CPSF1: variants seen among roughly 807,000 people sequenced by gnomAD.
CPSF1 encodes cleavage and polyadenylation specific factor 1.
Under a neutral mutation model 175.8 loss-of-function variants are expected in CPSF1, and 106 were observed. The ratio of observed to expected loss-of-function variants is 0.60; its 90% CI spans 0.52 to 0.71. The LOEUF (loss-of-function observed/expected upper bound fraction) is 0.71, where lower values mean the gene tolerates loss of function less well. CPSF1 is among the 30% of genes least tolerant of loss of function. The pLI, the probability that CPSF1 is intolerant of heterozygous loss-of-function variation, is 0.00. For missense variants in CPSF1, 1,734 were observed against 2,022.9 expected, an observed-to-expected ratio of 0.86 and a Z score of 2.74; for synonymous variants, 1,024 against 858.3, an observed-to-expected ratio of 1.19 and a Z score of -3.37.
intron 2 of CPSF1, among the ~76,000 whole-genome samples, chr8:144,403,098 ATT>A (rs1231766653): frequency 0.98 from 141,169 of 143,760 alleles, 69,318 homozygotes; most frequent in Middle Eastern, 1. Flanking sequence ...TAGGAGGAAA[ATT>A]TTTTTTTTTT....
In CPSF1 at chr8:144,393,375, ATGGAAGGGTGGG is replaced by A. The variant is rs1554861947; in HGVS notation, c.4285-22_4285-11del. 2.6e-5 allele frequency: 18 copies of A among 702,016 alleles called. No individual in the cohort carries two copies. Among genetic ancestry groups the A allele is most frequent in the Non-Finnish European group, 3.5e-5 (18 of 511,418 alleles). 43.5% of individuals were successfully genotyped at this position (702,016 alleles called of 1,614,324 possible). ...GCAAGTCGTCCAGGATCTGCAGGGG[ATGGAAGGGTGGG>A]TGGGTGGGTGGGTGGGGATGCACAC... On this transcript the variant is annotated splice_polypyrimidine_tract_variant and intron_variant, in intron 37 of 37. Transcript: ENST00000616140.
rs782373475 is a variant in CPSF1, at chr8:144,400,134, G to GCCCCCCCCCCCCCCCCC, written c.937+31_937+32insGGGGGGGGGGGGGGGGG. 6.4e-5 allele frequency: 62 copies of GCCCCCCCCCCCCCCCCC among 966,488 alleles called. 1 individual carries two copies. Among genetic ancestry groups the GCCCCCCCCCCCCCCCCC allele is most frequent in the Admixed American group, 1.4e-4 (5 of 34,868 alleles). 59.9% of individuals were successfully genotyped at this position (966,488 alleles called of 1,614,324 possible). On this transcript the variant is annotated intron_variant, in intron 9 of 37. Transcript: ENST00000616140. Reference sequence around the variant, plus strand: ...ACTAGGCAGGCCCAAGCCGTCCCCGGGCCCCCCCCGCCCCAGCCACCCCAC... The same window carrying GCCCCCCCCCCCCCCCCC: ...ACTAGGCAGGCCCAAGCCGTCCCCGGCCCCCCCCCCCCCCCCCGCCCCCCCCGCCCCAGCCACCCCAC...
intron 23 of CPSF1, 124 bp downstream of exon 23, chr8:144,397,083 A>G: frequency 2.3e-6 from 2 of 879,264 alleles, no homozygotes; most frequent in South Asian, 3.5e-5. Context: ...GATGGGGTGG[A>G]GCCACGGGAA....
chr8:144,397,936 G>T lies in CPSF1; in HGVS notation c.2073+18C>A, dbSNP rs782302563. The T allele has an allele frequency of 1.3e-6, 2 of 1,599,654 alleles. No homozygotes were observed. Among genetic ancestry groups the T allele is most frequent in the East Asian group, 2.2e-5 (1 of 44,560 alleles). ...CAAGGGGCAGGGACAGGAGGGCGCC[G>T]GGAATGAGGGGGCCTACATGGTGCA... is the stretch of plus-strand genomic sequence containing the variant. On this transcript the variant is annotated intron_variant, in intron 20 of 37. Coordinates refer to ENST00000616140, the MANE Select transcript of CPSF1 (RefSeq NM_013291.3).
chr8:144,397,921 G>T (rs1449772285), intron 20 of CPSF1, 33 bp downstream of exon 20: 3 of 1,599,882 alleles, frequency 1.9e-6, no homozygotes, highest in African/African-American at 1.3e-5. Flanking sequence ...CAAGGGGCAG[G>T]GACAGGAGGG....
intron 26 of CPSF1, 159 bp from the exon 27 acceptor site, chr8:144,395,710 C>T: frequency 1.6e-6 from 1 of 635,002 alleles, no homozygotes. Flanking sequence ...GAAGGGGCTG[C>T]CACTCAGCCT....
chr8:144,408,610 C>G (rs2116911340), intron 2 of CPSF1, among the ~76,000 whole-genome samples: 9 of 152,360 alleles, frequency 5.9e-5, no homozygotes, highest in African/African-American at 2.2e-4. Context: ...CCTTCCTTCA[C>G]TCCTTTATTC....
Position 144,401,465 on chromosome 8 carries a change from G to A in CPSF1, c.271C>T (p.Arg91Trp). The A allele has an allele frequency of 3.7e-6, 6 of 1,614,036 alleles. No individual in the cohort carries two copies. Among genetic ancestry groups the A allele is most frequent in the East Asian group, 4.5e-5 (2 of 44,872 alleles). The change falls in exon 4 of 38, where the codon CGG (arginine) becomes TGG (tryptophan). Residue 91 changes from arginine (R) to tryptophan (W), a missense_variant. Arg to Trp is a moderately radical substitution (Grantham distance 101, BLOSUM62 -3). Transcript: ENST00000616140. ...MASVQLAGAK[R>W]DALLLSFKDA... ...TTGAAGCTTAGGAGCAGGGCATCCC[G>A]CTTGGCTCCTGCCAGCTGCACGCTG...
At position 144,400,830 on chromosome 8, in the gene CPSF1, G is replaced by C. The variant is rs1403113518; in HGVS notation, c.540-13C>G. ...GCTGGACCTCTGCCTGGGGGGCCAG[G>C]GGCTTCAGCAGGAGAGGAGGGGAGG... On this transcript the variant is annotated splice_polypyrimidine_tract_variant and intron_variant, in intron 6 of 37. Coordinates refer to ENST00000616140, the MANE Select transcript of CPSF1 (RefSeq NM_013291.3). 1.9e-6 allele frequency: 3 copies of C among 1,613,080 alleles called. No individual in the cohort carries two copies. In the Admixed American group the frequency reaches 5.0e-5, roughly 27 times the overall value.
In CPSF1 at chr8:144,398,591, G is replaced by A; in HGVS notation, c.1686C>T (p.Thr562=). The change falls in exon 18 of 38, where the codon ACC becomes ACT. Residue 562 remains threonine, a synonymous_variant. Coordinates refer to ENST00000616140, the MANE Select transcript of CPSF1 (RefSeq NM_013291.3). ...TGCGGCCGTCGTCGTCTGCTTCAGGGGTGGTGCTGGGTTCCTGCTCTGTGC... is the reference window on the plus strand; with the variant it reads ...TGCGGCCGTCGTCGTCTGCTTCAGGAGTGGTGCTGGGTTCCTGCTCTGTGC... The part of the protein sequence containing the change: ...GEGTEQEPST[T]PEADDDGRRH... 4 of 1,613,922 alleles carry A rather than the reference G, an allele frequency of 2.5e-6. No individual in the cohort carries two copies. Among genetic ancestry groups the A allele is most frequent in the Non-Finnish European group, 2.5e-6 (3 of 1,179,974 alleles).
rs781914193 is a variant in CPSF1, at chr8:144,393,846, G to GC, written c.4015+36dup. 41 of 1,600,632 alleles carry GC rather than the reference G, an allele frequency of 2.6e-5. 1 individual carries two copies. Among genetic ancestry groups the GC allele is most frequent in the South Asian group, 2.2e-4 (20 of 90,002 alleles). ...TGGTGTGAGCCAGGCCAACCCTAGG[G>GC]CCCCCCACCCAGACACACCTGCTCC... On this transcript the variant is annotated intron_variant, in intron 35 of 37. Transcript: ENST00000616140.
At chr8:144,402,575 G>A (rs984890214) in intron 2 of CPSF1, among the ~76,000 whole-genome samples, 3 of 152,288 alleles carry the variant, frequency 2.0e-5, no homozygotes, top group Non-Finnish European at 4.4e-5. Context: ...AAAGTGCTGG[G>A]ATTACAGGCG....
intron 2 of CPSF1, among the ~76,000 whole-genome samples, chr8:144,404,482 C>T (rs2116898366): frequency 5.3e-5 from 8 of 151,468 alleles, no homozygotes; most frequent in South Asian, 2.1e-4. Flanking sequence ...TCTCCTGCCT[C>T]AGCTTACCGA....
chr8:144,402,522 C>T (rs1019165186), intron 2 of CPSF1, among the ~76,000 whole-genome samples: 1 of 152,106 alleles, frequency 6.6e-6, no homozygotes, highest in Admixed American at 6.5e-5. Flanking sequence ...CCAGGCTGGT[C>T]TCGAACTCCT....
Position 144,393,683 on chromosome 8 carries a change from TGAG to T in CPSF1, c.4126_4128del (p.Leu1376del). 1 of 1,562,664 alleles carries T rather than the reference TGAG, an allele frequency of 6.4e-7. No homozygotes were observed. Among genetic ancestry groups the T allele is most frequent in the Non-Finnish European group, 8.6e-7 (1 of 1,160,810 alleles). On this transcript the variant is annotated inframe_deletion, in exon 36 of 38. Coordinates refer to ENST00000616140, the MANE Select transcript of CPSF1 (RefSeq NM_013291.3). ...GGGGCTCACCGGAAGGCGCGGGGGT[TGAG>T]GCCGGCGTGGTGTGGCAGCATGGTG...
intron 2 of CPSF1, among the ~76,000 whole-genome samples, chr8:144,404,925 G>A (rs1185614048): frequency 2.0e-5 from 3 of 151,722 alleles, no homozygotes; most frequent in South Asian, 2.1e-4. Context: ...GGCGCCTGTA[G>A]TCCCAGCTAC....
chr8:144,398,342 A>G lies in CPSF1; in HGVS notation c.1854T>C (p.Ile618=), dbSNP rs1820924986. ...FAGNIGDNRY[I]VQVSPLGIRL... ...GGATGCCCAGTGGTGACACTTGGAC[A>G]ATGTAGCGGTTGTCCCCGATGTTCC... The change falls in exon 19 of 38, where the codon ATT becomes ATC. Residue 618 remains isoleucine, a synonymous_variant. Transcript: ENST00000616140. 1 of 1,508,964 alleles carries G rather than the reference A, an allele frequency of 6.6e-7. No homozygotes were observed. The highest frequency in any genetic ancestry group is 1.6e-5 in the African/African-American group (1 of 60,886). 93.5% of individuals were successfully genotyped at this position (1,508,964 alleles called of 1,614,324 possible).
Position 144,398,825 on chromosome 8 carries a change from C to G in CPSF1, c.1592G>C (p.Gly531Ala). 1 of 1,609,116 alleles carries G rather than the reference C, an allele frequency of 6.2e-7. No homozygotes were observed. The highest frequency in any genetic ancestry group is 8.5e-7 in the Non-Finnish European group (1 of 1,176,604). ...GATGACTGTCCACATGTCATAGCAGCCGGGAAGCTCAAAGGTTGTCACCAC... is the reference window on the plus strand; with the variant it reads ...GATGACTGTCCACATGTCATAGCAGGCGGGAAGCTCAAAGGTTGTCACCAC... Reference protein sequence around the residue: ...PQVVTTFELPGCYDMWTVIAP... With the variant: ...PQVVTTFELPACYDMWTVIAP... The change falls in exon 17 of 38, where the codon GGC (glycine) becomes GCC (alanine). Residue 531 changes from glycine to alanine, a missense_variant. Gly to Ala is a moderately conservative substitution (Grantham distance 60). Around this residue, in one of 10 missense-constraint regions of CPSF1, gnomAD observed 280 missense variants for 349.2 expected, o/e 0.80. Coordinates refer to ENST00000616140, the MANE Select transcript of CPSF1 (RefSeq NM_013291.3).
chr8:144,402,878 G>A lies in CPSF1; in HGVS notation c.145-1205C>T, dbSNP rs2116892990. Among the ~76,000 whole-genome samples the A allele has an allele frequency of 1.2e-4, 18 of 152,138 alleles. No homozygotes were observed. The South Asian group carries it at 1.9e-3, about 16-fold the overall frequency. On this transcript the variant is annotated intron_variant, in intron 2 of 37. Transcript: ENST00000616140. ...GAAGTGACACCAACCTCCTCAAAACGCCTGCAGATGAGCCCAGTGACAAGC... is the reference window on the plus strand; with the variant it reads ...GAAGTGACACCAACCTCCTCAAAACACCTGCAGATGAGCCCAGTGACAAGC...
Sources: gnomAD v4.1 joint callset for allele counts (sites outside exome capture counted in the v4.1 genomes callset) on GRCh38, gnomAD v4.1.1 for gene constraint, gnomAD v4.1.1 regional missense constraint, MANE v1.5 for transcripts, NCBI Gene and HGNC (gene_info 2026-07-23, HGNC 2026-07-21) for gene names.